The following CYTH3 variants were observed in gnomAD, a reference collection of about 807,000 sequenced individuals.
CYTH3 encodes the protein cytohesin-3.
Under a neutral mutation model 55.1 loss-of-function variants are expected in CYTH3, and 23 were observed. The observed-to-expected ratio is 0.42, with a 90% confidence interval of 0.30 to 0.59. CYTH3 has a LOEUF of 0.59. CYTH3 is among the 20% of genes least tolerant of loss of function. CYTH3 has a pLI of 0.20. For synonymous variants in CYTH3, 249 were observed against 194.9 expected (o/e 1.28, Z -2.31); for missense variants, 413 against 524.8 (o/e 0.79, Z 2.08).
rs554743807 is a variant in CYTH3, at chr7:6,180,776, C to T, written c.250-2835G>A. On this transcript the variant is annotated intron_variant, in intron 4 of 12. Coordinates refer to ENST00000350796, the MANE Select transcript of CYTH3 (RefSeq NM_004227.4). ...CAAACAGCAGAAATGGGGGCGGTGG[C>T]ACCATTTGACCCACTACACCTACTC... 3.9e-5 allele frequency among the ~76,000 whole-genome samples: 6 copies of T among 152,256 alleles called. No homozygotes were observed. In the South Asian group the frequency reaches 1.2e-3, roughly 32 times the overall value.
intron 1 of CYTH3, among the ~76,000 whole-genome samples, chr7:6,266,814 T>C (rs1780505342): frequency 6.6e-6 from 1 of 152,228 alleles, no homozygotes; most frequent in Non-Finnish European, 1.5e-5. Context: ...TATATAGCTG[T>C]TTACCTCTTT....
At chr7:6,262,778 G>C (rs759726030) in intron 1 of CYTH3, among the ~76,000 whole-genome samples, 2 of 152,206 alleles carry the variant, frequency 1.3e-5, no homozygotes, top group Non-Finnish European at 2.9e-5. Context: ...GGCAAGCTTA[G>C]CACAGTGGCA....
chr7:6,179,779 A>C (rs1301590799), intron 4 of CYTH3, among the ~76,000 whole-genome samples: 3 of 103,102 alleles, frequency 2.9e-5, no homozygotes, highest in South Asian at 3.5e-4. Flanking sequence ...CCCCACACAC[A>C]CCACCTACCA....
intron 1 of CYTH3, among the ~76,000 whole-genome samples, chr7:6,233,706 C>G (rs147759761): frequency 0.011 from 1,685 of 152,112 alleles, 10 homozygotes; most frequent in Non-Finnish European, 0.017. Flanking sequence ...ATCTCAGTCC[C>G]AGCGTCTACC....
At chr7:6,237,533 C>A (rs1779554919) in intron 1 of CYTH3, among the ~76,000 whole-genome samples, 1 of 152,046 alleles carries the variant, frequency 6.6e-6, no homozygotes. Flanking sequence ...CATGGTGAAA[C>A]CCCGTCTCTA....
intron 1 of CYTH3, among the ~76,000 whole-genome samples, chr7:6,207,440 C>G (rs975540722): frequency 6.6e-5 from 10 of 152,196 alleles, no homozygotes; most frequent in African/African-American, 1.9e-4. Context: ...TAAAGAATGC[C>G]TACTTTTTAA....
At chr7:6,269,644 A>C (rs1018218317) in intron 1 of CYTH3, among the ~76,000 whole-genome samples, 3 of 152,166 alleles carry the variant, frequency 2.0e-5, no homozygotes, top group Non-Finnish European at 4.4e-5. Context: ...CATAGGAATT[A>C]AAAACGACTT....
chr7:6,261,330 CTGGGAAGCAACCCAAGCTTTCAG>C (rs1305231501), intron 1 of CYTH3, among the ~76,000 whole-genome samples: 2 of 152,140 alleles, frequency 1.3e-5, no homozygotes, highest in Non-Finnish European at 2.9e-5. Context: ...AGAAGAGGCC[CTGGGAAGCAACCCAAGCTTTCAG>C]TGGGAACCAC....
intron 1 of CYTH3, among the ~76,000 whole-genome samples, chr7:6,267,377 C>G (rs1168917879): frequency 1.3e-5 from 2 of 152,176 alleles, no homozygotes; most frequent in African/African-American, 4.8e-5. Context: ...GAGTAAATGA[C>G]TACAAAAGAA....
intron 1 of CYTH3, among the ~76,000 whole-genome samples, chr7:6,255,736 A>T (rs973158732): frequency 3.5e-5 from 5 of 144,188 alleles, no homozygotes; most frequent in African/African-American, 1.3e-4. Flanking sequence ...TAGTGTGACT[A>T]CCCAAGTTTG....
chr7:6,245,246 T>C (rs531382372), intron 1 of CYTH3, among the ~76,000 whole-genome samples: 143 of 152,074 alleles, frequency 9.4e-4, no homozygotes, highest in African/African-American at 3.4e-3. Flanking sequence ...GGTTCTAGGT[T>C]TTGAGTTGTT....
At chr7:6,259,759 ATATATATATATATTATATATATATAATAT>A (rs1780245328) in intron 1 of CYTH3, among the ~76,000 whole-genome samples, 2 of 26,586 alleles carry the variant, frequency 7.5e-5, no homozygotes, top group East Asian at 2.5e-3. Flanking sequence ...TATATATATT[ATATATATATATATTATATATATATAATAT>A]ATATATATAT....
intron 1 of CYTH3, among the ~76,000 whole-genome samples, chr7:6,257,102 G>A (rs1211561178): frequency 1.3e-5 from 2 of 152,072 alleles, no homozygotes; most frequent in Non-Finnish European, 2.9e-5. Flanking sequence ...CTTATCCAAC[G>A]TGAAGATTTT....
chr7:6,251,940 TTGAGA>T lies in CYTH3; in HGVS notation c.34+20529_34+20533del, dbSNP rs59307556. 6.3e-3 allele frequency among the ~76,000 whole-genome samples: 954 copies of T among 152,278 alleles called. 9 individuals are homozygous for T. Among genetic ancestry groups the T allele is most frequent in the African/African-American group, 0.022 (896 of 41,548 alleles). ...ATGTGAAAAAAGAAAAACAAAATGC[TTGAGA>T]TAAGTATGTGAAAATCACTAGTCTT... On this transcript the variant is annotated intron_variant, in intron 1 of 12. Coordinates refer to ENST00000350796, the MANE Select transcript of CYTH3 (RefSeq NM_004227.4).
intron 6 of CYTH3, 41 bp downstream of exon 6, chr7:6,173,612 C>A (rs1290795661): frequency 2.2e-6 from 3 of 1,356,906 alleles, no homozygotes; most frequent in Non-Finnish European, 3.2e-6. Flanking sequence ...GTCCTCTGGC[C>A]TTCCCCATCC....
rs150257063 is a variant in CYTH3 at position 6,204,985 on chromosome 7, C to T, written c.35-14454G>A. 2.6e-5 allele frequency among the ~76,000 whole-genome samples: 4 copies of T among 151,894 alleles called. No homozygotes were observed. In the East Asian group the frequency reaches 7.8e-4, roughly 30 times the overall value. On this transcript the variant is annotated intron_variant, in intron 1 of 12. Coordinates refer to ENST00000350796, the MANE Select transcript of CYTH3 (RefSeq NM_004227.4). ...TTCAAGGCCAGTTTGGGCAACATGG[C>T]GAAGACCCTGTCTCTATTAAAAATA...
chr7:6,251,924 A>G (rs927034894), intron 1 of CYTH3, among the ~76,000 whole-genome samples: 2 of 152,314 alleles, frequency 1.3e-5, no homozygotes, highest in Middle Eastern at 3.4e-3. Context: ...AATGTGAAAA[A>G]AGAAAAACAA....
intron 1 of CYTH3, among the ~76,000 whole-genome samples, chr7:6,248,406 C>T (rs900008443): frequency 1.3e-5 from 2 of 152,104 alleles, no homozygotes; most frequent in African/African-American, 4.8e-5. Context: ...TTCAAGGGAA[C>T]GTCAGCTCTG....
intron 1 of CYTH3, among the ~76,000 whole-genome samples, chr7:6,193,336 C>A (rs1456560074): frequency 1.7e-4 from 25 of 149,418 alleles, no homozygotes; most frequent in African/African-American, 5.7e-4. Context: ...AAGATCGTGC[C>A]ACTGCACTCT....
Sources: gnomAD v4.1 joint callset for allele counts (sites outside exome capture counted in the v4.1 genomes callset) on GRCh38, gnomAD v4.1.1 for gene constraint, MANE v1.5 for transcripts, NCBI Gene and HGNC (gene_info 2026-07-23, HGNC 2026-07-21) for gene names.